Variants in SKA2 observed in about 807,000 individuals in gnomAD.
The protein encoded by SKA2 is spindle and kinetochore associated complex subunit 2.
Under a neutral mutation model 16.9 loss-of-function variants are expected in SKA2, and 13 were observed. The ratio of observed to expected loss-of-function variants is 0.77; its 90% CI spans 0.50 to 1.22. The LOEUF is 1.22. SKA2 is among the 50% of genes most tolerant of loss of function. The pLI is 0.00. For synonymous variants in SKA2, 47 were observed against 48.5 expected, an observed-to-expected ratio of 0.97 and a Z score of 0.13; for missense variants, 107 against 139.7, an observed-to-expected ratio of 0.77 and a Z score of 1.18.
At chr17:59,119,534 A>G (rs2046319208) in intron 2 of SKA2, 39 bp from the exon 3 acceptor site, 2 of 1,576,494 alleles carry the variant, frequency 1.3e-6, no homozygotes, top group Non-Finnish European at 1.7e-6. Context: ...TAAATTATGA[A>G]AGATTAAACT....
chr17:59,150,926 T>C (rs1211665629), intron 1 of SKA2, among the ~76,000 whole-genome samples: 1 of 151,934 alleles, frequency 6.6e-6, no homozygotes, highest in Non-Finnish European at 1.5e-5. Flanking sequence ...CATAACAACT[T>C]AGATATAAAA....
chr17:59,141,423 T>C (rs2035946894), intron 1 of SKA2, among the ~76,000 whole-genome samples: 1 of 151,040 alleles, frequency 6.6e-6, no homozygotes, highest in Non-Finnish European at 1.5e-5. Context: ...AGATAAATTG[T>C]GTAACTCAAA....
intron 1 of SKA2, among the ~76,000 whole-genome samples, chr17:59,131,772 T>C (rs2046413245): frequency 6.6e-6 from 1 of 152,168 alleles, no homozygotes; most frequent in African/African-American, 2.4e-5. Context: ...CAGAACAAAT[T>C]TATTTCAGGA....
chr17:59,155,019 C>G (rs903044458), intron 1 of SKA2, 112 bp downstream of exon 1: 4 of 1,613,912 alleles, frequency 2.5e-6, no homozygotes, highest in Non-Finnish European at 3.4e-6. Flanking sequence ...GAACTCGACT[C>G]TGGTCCAGCC....
intron 1 of SKA2, among the ~76,000 whole-genome samples, chr17:59,139,503 T>C (rs2147813217): frequency 6.6e-6 from 1 of 152,130 alleles, no homozygotes; most frequent in East Asian, 1.9e-4. Context: ...AAACCTACTT[T>C]TATTTTTATT....
At chr17:59,112,486 G>GA (rs1568298939) in intron 3 of SKA2, 141 bp from the exon 4 acceptor site, 2 of 602,088 alleles carry the variant, frequency 3.3e-6, no homozygotes, top group East Asian at 3.0e-5. Flanking sequence ...AAAGGCAAGG[G>GA]AAAAAACAGA....
intron 2 of SKA2, among the ~76,000 whole-genome samples, chr17:59,123,271 A>G (rs1248102120): frequency 1.5e-5 from 2 of 133,166 alleles, no homozygotes; most frequent in African/African-American, 2.8e-5. Context: ...TTTAAGAGTT[A>G]GAATTGGCTG....
At chr17:59,126,932 C>T (rs1465462168) in intron 2 of SKA2, among the ~76,000 whole-genome samples, 1 of 152,026 alleles carries the variant, frequency 6.6e-6, no homozygotes. Flanking sequence ...ATTATTCCAC[C>T]TTAAAAAGAA....
chr17:59,113,337 C>T (rs2046275866), intron 3 of SKA2, among the ~76,000 whole-genome samples: 2 of 151,526 alleles, frequency 1.3e-5, no homozygotes, highest in African/African-American at 4.9e-5. Flanking sequence ...GCCTGACCAA[C>T]ATGGTGAAAC....
rs1486098593 is a variant in SKA2, at chr17:59,155,183, G to T, written c.-20C>A. 1 of 1,613,652 alleles carries T rather than the reference G, an allele frequency of 6.2e-7. No homozygotes were observed. Among genetic ancestry groups the T allele is most frequent in the Non-Finnish European group, 8.5e-7 (1 of 1,179,740 alleles). The stretch of plus-strand genomic sequence containing the variant: ...CTCCATGTTGAATAGTTGACATTCC[G>T]CAGACCGCGGCGGCGCTTAAGCCGC... On this transcript the variant is annotated 5_prime_UTR_variant, in exon 1 of 4. Coordinates refer to ENST00000330137, the MANE Select transcript of SKA2 (RefSeq NM_182620.4).
Position 59,111,282 on chromosome 17 carries a change from T to C in SKA2, c.*995A>G, listed in dbSNP as rs1373052582. ...TTTCCCAGAACATTAACAGTAATAA[T>C]TTATTGGCAACTTGACCTCTTATTG... On this transcript the variant is annotated 3_prime_UTR_variant, in exon 4 of 4. Coordinates refer to ENST00000330137, the MANE Select transcript of SKA2 (RefSeq NM_182620.4). The C allele has an allele frequency of 1.3e-5, 2 of 152,202 alleles. No individual in the cohort carries two copies. The highest frequency in any genetic ancestry group is 3.8e-4 in the East Asian group (2 of 5,202). 9.4% of individuals were successfully genotyped at this position (152,202 alleles called of 1,614,324 possible). A position where few individuals can be genotyped will look rare whatever the true frequency, so the allele number is the denominator to read the frequency against.
intron 2 of SKA2, among the ~76,000 whole-genome samples, chr17:59,129,857 GAAGGGAGGA>G (rs1275001278): frequency 1.0e-4 from 14 of 136,890 alleles, no homozygotes; most frequent in Non-Finnish European, 2.1e-4. Flanking sequence ...GAAAGGAAGG[GAAGGGAGGA>G]AAGGGAGGGA....
In SKA2 at chr17:59,112,241, C is replaced by T. The variant is rs754339819; in HGVS notation, c.*36G>A. On this transcript the variant is annotated 3_prime_UTR_variant, in exon 4 of 4. Transcript: ENST00000330137. ...TCCTAAATTTCTCCGGAATTAAGCT[C>T]TTCTCTGTTAGAATTTCCTTTCCAA... 1.3e-6 allele frequency: 2 copies of T among 1,545,770 alleles called. No homozygotes were observed. The highest frequency in any genetic ancestry group is 2.3e-5 in the East Asian group (1 of 44,336).
intron 1 of SKA2, among the ~76,000 whole-genome samples, chr17:59,147,625 C>CT (rs910746893): frequency 2.3e-3 from 328 of 144,964 alleles, no homozygotes; most frequent in African/African-American, 5.9e-3. Flanking sequence ...TCTTGATCTA[C>CT]TTTTTTTTTT....
At chr17:59,112,782 G>T (rs1028028489) in intron 3 of SKA2, among the ~76,000 whole-genome samples, 4 of 151,964 alleles carry the variant, frequency 2.6e-5, no homozygotes, top group African/African-American at 9.7e-5. Flanking sequence ...ATCATCTCTA[G>T]ATTACTTATA....
chr17:59,143,744 T>C (rs1233052668), intron 1 of SKA2, among the ~76,000 whole-genome samples: 1 of 152,088 alleles, frequency 6.6e-6, no homozygotes, highest in East Asian at 1.9e-4. Context: ...AATGCTGCGA[T>C]TATAGGCGTG....
intron 1 of SKA2, among the ~76,000 whole-genome samples, chr17:59,147,970 G>A (rs1251613294): frequency 4.0e-5 from 6 of 151,826 alleles, no homozygotes; most frequent in Non-Finnish European, 5.9e-5. Flanking sequence ...AGCCTCCCAA[G>A]TAGCTGGGAT....
At chr17:59,146,530 A>T in intron 1 of SKA2, among the ~76,000 whole-genome samples, 2 of 152,306 alleles carry the variant, frequency 1.3e-5, no homozygotes, top group Non-Finnish European at 2.9e-5. Context: ...AAATGAGAAT[A>T]AAAATATTGA....
chr17:59,121,636 A>C, intron 2 of SKA2, among the ~76,000 whole-genome samples: 1 of 144,464 alleles, frequency 6.9e-6, no homozygotes, highest in African/African-American at 2.7e-5. Flanking sequence ...CTGGGTGACA[A>C]GAGCAAAACT....
Sources: gnomAD v4.1 joint callset for allele counts (sites outside exome capture counted in the v4.1 genomes callset) on GRCh38, gnomAD v4.1.1 for gene constraint, MANE v1.5 for transcripts, NCBI Gene and HGNC (gene_info 2026-07-23, HGNC 2026-07-21) for gene names.